Variants in PHF20L1 observed in about 807,000 individuals in gnomAD.
The protein encoded by PHF20L1 is PHD finger protein 20 like 1.
In PHF20L1, 44 loss-of-function variants were observed where a neutral mutation model predicts 125.5. The observed-to-expected ratio is 0.35, with a 90% CI of 0.28 to 0.45. PHF20L1 has a LOEUF of 0.45. PHF20L1 is among the 20% of genes least tolerant of loss of function. PHF20L1 has a pLI of 1.00. For synonymous variants in PHF20L1, 380 were observed against 403.1 expected, an observed-to-expected ratio of 0.94 and a Z score of 0.69; for missense variants, 1,012 against 1,217.2, an observed-to-expected ratio of 0.83 and a Z score of 2.51.
chr8:132,845,943 A>G lies in PHF20L1; in HGVS notation c.*20A>G. 1 of 1,595,448 alleles carries G rather than the reference A, an allele frequency of 6.3e-7. No individual in the cohort carries two copies. The highest frequency in any genetic ancestry group is 8.6e-7 in the Non-Finnish European group (1 of 1,166,326). On this transcript the variant is annotated 3_prime_UTR_variant, in exon 21 of 21. Transcript: ENST00000395386. ...GTATGACAACAGTGAACACTTAATG[A>G]AAGAATGTGGCTTTCTTCAGTCAAA...
intron 6 of PHF20L1, 83 bp from the exon 7 acceptor site, chr8:132,803,736 A>G (rs1177010364): frequency 5.5e-6 from 4 of 729,338 alleles, no homozygotes; most frequent in African/African-American, 5.4e-5. Flanking sequence ...GTAGCTTTGA[A>G]AATGTGACAC....
At chr8:132,825,421 C>G (rs1430195209) in intron 14 of PHF20L1, 50 bp downstream of exon 14, 1 of 1,382,962 alleles carries the variant, frequency 7.2e-7, no homozygotes, top group Non-Finnish European at 9.6e-7. Context: ...TTTGAAGTTT[C>G]CTTTGATTCC....
chr8:132,783,039 G>C (rs1005351320), intron 2 of PHF20L1, among the ~76,000 whole-genome samples: 6 of 151,966 alleles, frequency 3.9e-5, no homozygotes, highest in Non-Finnish European at 8.8e-5. Context: ...CCTGTTTTTT[G>C]ATTGAAATTA....
rs1245095447 is a variant in PHF20L1, at chr8:132,825,300, A to G, written c.1673A>G (p.Lys558Arg). 1.4e-5 allele frequency: 21 copies of G among 1,532,910 alleles called. No individual in the cohort carries two copies. Among genetic ancestry groups the G allele is most frequent in the Middle Eastern group, 1.7e-4 (1 of 5,884 alleles). 95.0% of individuals were successfully genotyped at this position (1,532,910 alleles called of 1,614,324 possible). A position where few individuals can be genotyped will look rare whatever the true frequency, so the allele number is the denominator to read the frequency against. ...RKEKDKERRE[K>R]RDKDHYRPKQ... The stretch of plus-strand genomic sequence containing the variant: ...GAAAAAGATAAGGAAAGAAGAGAGA[A>G]GAGAGACAAAGATCACTACAGACCA... Residue 558 changes from lysine (K) to arginine (R), a missense_variant, in exon 14 of 21, where the codon AAG becomes AGG. Lys to Arg is a conservative substitution (Grantham distance 26). This residue lies in a region of PHF20L1 where 320 missense variants were observed against 293.8 expected (regional missense o/e 1.09). Coordinates refer to ENST00000395386, the MANE Select transcript of PHF20L1 (RefSeq NM_016018.5).
intron 4 of PHF20L1, among the ~76,000 whole-genome samples, chr8:132,795,768 T>C (rs957955889): frequency 6.6e-6 from 1 of 152,084 alleles, no homozygotes; most frequent in Non-Finnish European, 1.5e-5. Context: ...TCCTATACTG[T>C]ACATGTATAT....
intron 14 of PHF20L1, among the ~76,000 whole-genome samples, chr8:132,831,814 C>T (rs1390402139): frequency 6.6e-6 from 1 of 152,124 alleles, no homozygotes; most frequent in East Asian, 1.9e-4. Flanking sequence ...AAGCCCAGCA[C>T]GCATTAGCTG....
Position 132,837,729 on chromosome 8 carries a change from T to C in PHF20L1, c.2109T>C (p.Cys703=). Residue 703 remains cysteine (C), a synonymous_variant, in exon 17 of 21, where the codon TGT becomes TGC. Transcript: ENST00000395386. ...TTCTGCAGTGTGAAGAGTGCTTGTG[T>C]TGGCAACACAGCGTGTGCATGGGGC... is the stretch of plus-strand genomic sequence containing the variant. ...GFMIQCEECL[C]WQHSVCMGLL... The C allele has an allele frequency of 1.2e-6, 2 of 1,612,886 alleles. No homozygotes were observed. The highest frequency in any genetic ancestry group is 1.7e-6 in the Non-Finnish European group (2 of 1,179,252).
intron 2 of PHF20L1, among the ~76,000 whole-genome samples, chr8:132,784,926 T>G (rs1381949888): frequency 6.6e-6 from 1 of 151,896 alleles, no homozygotes; most frequent in Non-Finnish European, 1.5e-5. Flanking sequence ...TTGAGCAAGG[T>G]AGGTAAATTT....
At chr8:132,791,879 G>A (rs2131421597) in intron 2 of PHF20L1, among the ~76,000 whole-genome samples, 1 of 152,290 alleles carries the variant, frequency 6.6e-6, no homozygotes, top group Middle Eastern at 3.4e-3. Flanking sequence ...TTTGGTTGAT[G>A]CGTCAGGCAT....
At chr8:132,832,542 G>A (rs1587050893) in intron 15 of PHF20L1, 143 bp downstream of exon 15, 1 of 558,538 alleles carries the variant, frequency 1.8e-6, no homozygotes, top group Non-Finnish European at 3.1e-6. Flanking sequence ...AGAAATTTGA[G>A]CTACTTTTTA....
chr8:132,804,868 T>C, intron 8 of PHF20L1, 128 bp downstream of exon 8: 2 of 779,836 alleles, frequency 2.6e-6, no homozygotes, highest in East Asian at 2.7e-5. Context: ...AGACAATTAC[T>C]TTGTGGTTCT....
chr8:132,802,974 A>G (rs1304020843), intron 6 of PHF20L1, among the ~76,000 whole-genome samples: 1 of 151,858 alleles, frequency 6.6e-6, no homozygotes, highest in Non-Finnish European at 1.5e-5. Context: ...TTGTTTTAAA[A>G]ACATTTTTAT....
chr8:132,798,651 G>A, intron 4 of PHF20L1, 121 bp from the exon 5 acceptor site: 1 of 577,250 alleles, frequency 1.7e-6, no homozygotes, highest in South Asian at 2.7e-5. Flanking sequence ...CTTAACAGGA[G>A]CATTTGTAGT....
intron 12 of PHF20L1, among the ~76,000 whole-genome samples, chr8:132,819,287 A>G (rs1835322598): frequency 1.3e-5 from 2 of 151,960 alleles, no homozygotes; most frequent in Admixed American, 6.6e-5. Context: ...TTATCTGGAT[A>G]TGATGAGCTT....
intron 4 of PHF20L1, among the ~76,000 whole-genome samples, chr8:132,796,784 A>G (rs989808165): frequency 2.6e-5 from 4 of 152,092 alleles, no homozygotes; most frequent in Non-Finnish European, 5.9e-5. Context: ...CCTAGCACAT[A>G]GTAGACAGTC....
intron 2 of PHF20L1, among the ~76,000 whole-genome samples, chr8:132,785,250 A>G (rs1015789876): frequency 3.3e-5 from 5 of 152,194 alleles, no homozygotes; most frequent in African/African-American, 1.2e-4. Context: ...ACACTGTCAC[A>G]TCACATTAGA....
intron 14 of PHF20L1, among the ~76,000 whole-genome samples, chr8:132,829,025 T>C (rs1836493508): frequency 6.6e-6 from 1 of 152,118 alleles, no homozygotes; most frequent in African/African-American, 2.4e-5. Context: ...GGAAGGGACT[T>C]TATGTAGGAG....
At chr8:132,832,464 A>G in intron 15 of PHF20L1, 65 bp downstream of exon 15, 1 of 1,165,672 alleles carries the variant, frequency 8.6e-7, no homozygotes, top group Non-Finnish European at 1.3e-6. Context: ...CTGAGAATAA[A>G]ACGTACTCTG....
At chr8:132,822,191 A>G (rs1835679942) in intron 12 of PHF20L1, among the ~76,000 whole-genome samples, 1 of 151,942 alleles carries the variant, frequency 6.6e-6, no homozygotes, top group African/African-American at 2.4e-5. Context: ...TAAAAACAGT[A>G]TCTCGAACTG....
Sources: allele counts gnomAD v4.1 joint callset (sites outside exome capture counted in the v4.1 genomes callset), GRCh38; gene constraint gnomAD v4.1.1; regional missense constraint gnomAD v4.1.1; transcripts MANE v1.5; gene names NCBI Gene and HGNC (gene_info 2026-07-23, HGNC 2026-07-21).